Variants in PSEN1 observed in about 807,000 individuals in gnomAD.
PSEN1 encodes presenilin-1.
Under a neutral mutation model 53.5 loss-of-function variants are expected in PSEN1, and 15 were observed. The observed-to-expected ratio is 0.28, with a 90% CI of 0.19 to 0.43. The LOEUF is 0.43. PSEN1 is among the 20% of genes least tolerant of loss of function. PSEN1 has a pLI of 1.00. For synonymous variants in PSEN1, 208 were observed against 209.8 expected (o/e 0.99, Z 0.08); for missense variants, 387 against 571.2 (o/e 0.68, Z 3.29).
At chr14:73,156,904 C>T (rs1054903281) in intron 3 of PSEN1, among the ~76,000 whole-genome samples, 3 of 151,990 alleles carry the variant, frequency 2.0e-5, no homozygotes, top group African/African-American at 4.8e-5. Context: ...CCTTGTGATC[C>T]GCCCGCCTGG....
intron 9 of PSEN1, among the ~76,000 whole-genome samples, chr14:73,207,727 C>T (rs1899509736): frequency 6.6e-6 from 1 of 152,236 alleles, no homozygotes; most frequent in Admixed American, 6.5e-5. Flanking sequence ...GGGCTCATTC[C>T]ACCTACTCAG....
intron 6 of PSEN1, among the ~76,000 whole-genome samples, chr14:73,187,401 T>G (rs1742654717): frequency 6.6e-6 from 1 of 152,236 alleles, no homozygotes; most frequent in Non-Finnish European, 1.5e-5. Context: ...GCCTGGCCTT[T>G]TTCTCAGCTC....
Position 73,186,872 on chromosome 14 carries a change from T to C in PSEN1, c.500T>C (p.Ile167Thr), listed in dbSNP as rs201641438. 3 of 1,613,378 alleles carry C rather than the reference T, an allele frequency of 1.9e-6. No individual in the cohort carries two copies. Among genetic ancestry groups the C allele is most frequent in the Non-Finnish European group, 2.5e-6 (3 of 1,179,292 alleles). Residue 167 changes from isoleucine (I) to threonine (T), a missense_variant, in exon 6 of 12, where the codon ATT (isoleucine) becomes ACT (threonine). Around this residue, in one of 4 missense-constraint regions of PSEN1, gnomAD observed 169 missense variants for 299.7 expected, o/e 0.56. Coordinates refer to ENST00000324501, the MANE Select transcript of PSEN1 (RefSeq NM_000021.4). ...RCYKVIHAWL[I>T]ISSLLLLFFF... ...TTCTAGGTCATCCATGCCTGGCTTA[T>C]TATATCATCTCTATTGTTGCTGTTC...
At chr14:73,197,648 G>C (rs1288591927) in intron 7 of PSEN1, 4 of 222,992 alleles carry the variant, frequency 1.8e-5, no homozygotes, top group Admixed American at 5.3e-5. Flanking sequence ...GATTAGTTTA[G>C]AAGTGACTTC....
chr14:73,147,684 C>T (rs1566617281), intron 1 of PSEN1, 111 bp from the exon 2 acceptor site: 1 of 338,594 alleles, frequency 3.0e-6, no homozygotes, highest in Non-Finnish European at 5.7e-6. Flanking sequence ...AAAGTCGTGA[C>T]AAATTAATAC....
At chr14:73,182,756 T>C (rs1898260185) in intron 5 of PSEN1, among the ~76,000 whole-genome samples, 1 of 152,024 alleles carries the variant, frequency 6.6e-6, no homozygotes, top group African/African-American at 2.4e-5. Flanking sequence ...GGAGAATTGC[T>C]TGAATCTGGG....
chr14:73,175,047 A>T (rs945117280), intron 5 of PSEN1, among the ~76,000 whole-genome samples: 1 of 152,168 alleles, frequency 6.6e-6, no homozygotes, highest in East Asian at 1.9e-4. Flanking sequence ...TCGGCCAGGC[A>T]TGGTGGCTCA....
chr14:73,205,230 A>G (rs1182288556), intron 8 of PSEN1, among the ~76,000 whole-genome samples: 1 of 152,088 alleles, frequency 6.6e-6, no homozygotes, highest in East Asian at 1.9e-4. Flanking sequence ...TAATCCCAGC[A>G]CTTTGGGAGG....
intron 3 of PSEN1, among the ~76,000 whole-genome samples, chr14:73,165,294 A>AT (rs2140021993): frequency 6.6e-6 from 1 of 152,134 alleles, no homozygotes; most frequent in African/African-American, 2.4e-5. Flanking sequence ...TTAAAACAGT[A>AT]TTTTTTTCCT....
intron 10 of PSEN1, among the ~76,000 whole-genome samples, chr14:73,213,169 TGCTCTTACAGCAG>T (rs1899770988): frequency 6.6e-6 from 1 of 152,212 alleles, no homozygotes; most frequent in South Asian, 2.1e-4. Flanking sequence ...CGTATCTGCC[TGCTCTTACAGCAG>T]GCTTTAGCTT....
chr14:73,187,447 G>A (rs1898558960), intron 6 of PSEN1, among the ~76,000 whole-genome samples: 1 of 152,172 alleles, frequency 6.6e-6, no homozygotes, highest in Non-Finnish European at 1.5e-5. Flanking sequence ...AATTGCACTA[G>A]CTCTTAAATT....
chr14:73,154,543 G>A (rs1250553310), intron 3 of PSEN1, among the ~76,000 whole-genome samples: 1 of 152,172 alleles, frequency 6.6e-6, no homozygotes, highest in Non-Finnish European at 1.5e-5. Context: ...CGAGGCTGCA[G>A]TGAGCTGTAA....
At chr14:73,190,419 T>A (rs1441583880) in intron 6 of PSEN1, among the ~76,000 whole-genome samples, 1 of 151,332 alleles carries the variant, frequency 6.6e-6, no homozygotes, top group Non-Finnish European at 1.5e-5. Flanking sequence ...AGCCAAGGAC[T>A]TTGGGGCTGC....
At chr14:73,185,657 A>G (rs1381871482) in intron 5 of PSEN1, among the ~76,000 whole-genome samples, 1 of 152,174 alleles carries the variant, frequency 6.6e-6, no homozygotes, top group Non-Finnish European at 1.5e-5. Flanking sequence ...ACAATTTTTA[A>G]GATGTATTTC....
chr14:73,218,508 C>G (rs976178137), intron 11 of PSEN1, among the ~76,000 whole-genome samples: 1 of 152,144 alleles, frequency 6.6e-6, no homozygotes, highest in Admixed American at 6.6e-5. Context: ...AAAATGAACT[C>G]TATTATATGG....
In PSEN1 at chr14:73,219,228, C is replaced by T. The variant is rs1353469692; in HGVS notation, c.1343C>T (p.Ala448Val). The T allele has an allele frequency of 6.2e-7, 1 of 1,613,642 alleles. No homozygotes were observed. The highest frequency in any genetic ancestry group is 8.5e-7 in the Non-Finnish European group (1 of 1,179,556). ...SITFGLVFYFATDYLVQPFMD... is the reference protein window; with the variant it reads ...SITFGLVFYFVTDYLVQPFMD... ...ACCTTTGGGCTTGTTTTCTACTTTG[C>T]CACAGATTATCTTGTACAGCCTTTT... The change falls in exon 12 of 12, where the codon GCC (alanine) becomes GTC (valine). Residue 448 changes from alanine to valine, a missense_variant. Physicochemically the swap from Ala to Val is moderately conservative, Grantham distance 64. This residue lies in a region of PSEN1 where 44 missense variants were observed against 106.3 expected (regional missense o/e 0.41). Coordinates refer to ENST00000324501, the MANE Select transcript of PSEN1 (RefSeq NM_000021.4).
intron 3 of PSEN1, among the ~76,000 whole-genome samples, chr14:73,161,992 TAAAAAAAAAAA>T: frequency 1.5e-5 from 1 of 65,376 alleles, no homozygotes; most frequent in East Asian, 4.1e-4. Context: ...CCGTTTCCAC[TAAAAAAAAAAA>T]AAAAAAAAAA....
chr14:73,168,317 TGCACTCCAGCC>T (rs1897780255), intron 3 of PSEN1: 1 of 150,816 alleles, frequency 6.6e-6, no homozygotes, highest in Admixed American at 6.6e-5. Flanking sequence ...ATTGTGCCAG[TGCACTCCAGCC>T]TGGGCAACCG....
At chr14:73,202,418 CTATATATATATATATATA>C (rs1248311168) in intron 8 of PSEN1, among the ~76,000 whole-genome samples, 70 of 27,220 alleles carry the variant, frequency 2.6e-3, no homozygotes, top group East Asian at 5.7e-3. Flanking sequence ...CTATCACATA[CTATATATATATATATATA>C]TATATATATA....
Sources: allele counts gnomAD v4.1 joint callset (sites outside exome capture counted in the v4.1 genomes callset), GRCh38; gene constraint gnomAD v4.1.1; regional missense constraint gnomAD v4.1.1; transcripts MANE v1.5; gene names NCBI Gene and HGNC (gene_info 2026-07-23, HGNC 2026-07-21).